Variants in MALRD1 observed in about 807,000 individuals in gnomAD.
The protein encoded by MALRD1 is MAM and LDL-receptor class A domain-containing protein 1.
In MALRD1, 247 loss-of-function variants were observed where a neutral mutation model predicts 242.1. The observed-to-expected ratio is 1.02, with a 90% confidence interval of 0.92 to 1.13. The LOEUF is 1.13. Ranked by LOEUF, MALRD1 falls within the 50% of genes most tolerant of loss-of-function variation. The pLI is 0.00. For synonymous variants in MALRD1, 995 were observed against 866.6 expected (o/e 1.15, Z -2.60); for missense variants, 2,989 against 2,533.1 (o/e 1.18, Z -3.86).
chr10:19,347,750 A>T lies in MALRD1; in HGVS notation c.3902-21A>T, dbSNP rs961348383. The T allele has an allele frequency of 3.9e-6, 6 of 1,548,604 alleles. No homozygotes were observed. In the African/African-American group the frequency reaches 8.2e-5, roughly 21 times the overall value. On this transcript the variant is annotated intron_variant, in intron 24 of 39. Coordinates refer to ENST00000454679, the MANE Select transcript of MALRD1 (RefSeq NM_001142308.3). Reference sequence around the variant, plus strand: ...GGCAAATTTCCATTTTCTGTAACATATATTTGGAAATATTTTCCAGGTACC... The same window carrying T: ...GGCAAATTTCCATTTTCTGTAACATTTATTTGGAAATATTTTCCAGGTACC...
intron 26 of MALRD1, among the ~76,000 whole-genome samples, chr10:19,385,411 A>T (rs758359383): frequency 3.9e-5 from 6 of 151,918 alleles, no homozygotes; most frequent in Non-Finnish European, 5.9e-5. Flanking sequence ...TACCACTTCA[A>T]TCTCATTACT....
chr10:19,125,049 G>T (rs1008827041), intron 7 of MALRD1, among the ~76,000 whole-genome samples: 1 of 139,876 alleles, frequency 7.1e-6, no homozygotes, highest in Non-Finnish European at 1.5e-5. Context: ...GGGTTCAAGT[G>T]ATTCTCCTGT....
At chr10:19,512,178 G>A (rs779790028) in intron 31 of MALRD1, among the ~76,000 whole-genome samples, 1 of 152,128 alleles carries the variant, frequency 6.6e-6, no homozygotes, top group Non-Finnish European at 1.5e-5. Context: ...CATGAAAAAT[G>A]TGGTTATCAT....
chr10:19,278,208 T>C (rs1840629781), intron 19 of MALRD1, among the ~76,000 whole-genome samples: 1 of 152,168 alleles, frequency 6.6e-6, no homozygotes, highest in Non-Finnish European at 1.5e-5. Context: ...AAAAAACAGT[T>C]TAATGTATTT....
At chr10:19,581,668 C>T (rs1350065783) in intron 33 of MALRD1, among the ~76,000 whole-genome samples, 10 of 148,870 alleles carry the variant, frequency 6.7e-5, no homozygotes, top group African/African-American at 2.2e-4. Context: ...TGAATAATGC[C>T]GCAGTAAACA....
intron 18 of MALRD1, among the ~76,000 whole-genome samples, chr10:19,229,007 T>C (rs1257580080): frequency 6.6e-6 from 1 of 152,034 alleles, no homozygotes; most frequent in Non-Finnish European, 1.5e-5. Context: ...TGTGTGTAAG[T>C]GTGTGATTTG....
At chr10:19,610,387 A>G (rs1011805570) in intron 35 of MALRD1, among the ~76,000 whole-genome samples, 1 of 151,844 alleles carries the variant, frequency 6.6e-6, no homozygotes, top group East Asian at 1.9e-4. Context: ...TCCTCTCTCC[A>G]GTCACTGGTA....
intron 33 of MALRD1, among the ~76,000 whole-genome samples, chr10:19,580,113 T>C (rs949095234): frequency 2.0e-5 from 3 of 152,152 alleles, no homozygotes; most frequent in African/African-American, 4.8e-5. Context: ...GCAGGCCTTA[T>C]GGCAGGAAAA....
intron 38 of MALRD1, among the ~76,000 whole-genome samples, chr10:19,718,059 GGAA>G (rs1188475870): frequency 3.4e-4 from 45 of 131,546 alleles, no homozygotes; most frequent in African/African-American, 8.5e-4. Context: ...AAGAAGAAGA[GGAA>G]GAAGAAGAAG....
chr10:19,123,341 A>G (rs56274301), intron 5 of MALRD1, among the ~76,000 whole-genome samples, 151 bp from the exon 6 acceptor site: 10,580 of 149,050 alleles, frequency 0.071, 399 homozygotes, highest in South Asian at 0.13. Context: ...GAGAGAGAGA[A>G]AGAGATAGGG....
intron 36 of MALRD1, among the ~76,000 whole-genome samples, chr10:19,663,632 G>C (rs1259309349): frequency 6.6e-6 from 1 of 152,080 alleles, no homozygotes; most frequent in Non-Finnish European, 1.5e-5. Flanking sequence ...TCAGAAGATA[G>C]AGCAGAACCC....
intron 38 of MALRD1, among the ~76,000 whole-genome samples, chr10:19,727,374 C>A (rs1835079575): frequency 6.6e-6 from 1 of 152,022 alleles, no homozygotes; most frequent in South Asian, 2.1e-4. Flanking sequence ...ACAATGTTGT[C>A]AGTTAATAAG....
At chr10:19,137,624 A>C (rs1440375734) in intron 10 of MALRD1, among the ~76,000 whole-genome samples, 2 of 151,224 alleles carry the variant, frequency 1.3e-5, no homozygotes, top group Admixed American at 6.6e-5. Context: ...AAAAAAAAAA[A>C]AAAAAAAGAA....
At chr10:19,489,608 T>G (rs1837393442) in intron 29 of MALRD1, among the ~76,000 whole-genome samples, 1 of 152,194 alleles carries the variant, frequency 6.6e-6, no homozygotes, top group Non-Finnish European at 1.5e-5. Flanking sequence ...GTTGTTTATT[T>G]TTTGGTACAA....
chr10:19,612,560 C>T (rs2131602749), intron 35 of MALRD1, among the ~76,000 whole-genome samples: 1 of 151,850 alleles, frequency 6.6e-6, no homozygotes, highest in South Asian at 2.1e-4. Flanking sequence ...GCAATGACTG[C>T]CTTTATTAGC....
At chr10:19,541,780 G>C (rs1316151582) in intron 32 of MALRD1, among the ~76,000 whole-genome samples, 1 of 152,130 alleles carries the variant, frequency 6.6e-6, no homozygotes, top group Non-Finnish European at 1.5e-5. Context: ...AGCAAAGATG[G>C]GTGAATAGGT....
chr10:19,405,761 A>G (rs1847069945), intron 28 of MALRD1, among the ~76,000 whole-genome samples: 1 of 152,190 alleles, frequency 6.6e-6, no homozygotes, highest in Non-Finnish European at 1.5e-5. Context: ...AATCTTTTAA[A>G]GGAGCCACAT....
chr10:19,355,502 C>T (rs1328401714), intron 26 of MALRD1, among the ~76,000 whole-genome samples: 2 of 146,414 alleles, frequency 1.4e-5, no homozygotes, highest in African/African-American at 5.1e-5. Context: ...AGTAGAAAGA[C>T]TCCAAGAAAA....
At position 19,692,507 on chromosome 10, in the gene MALRD1, C is replaced by A; in HGVS notation, c.6267C>A (p.Ile2089=). 2.0e-6 allele frequency: 3 copies of A among 1,535,906 alleles called. No homozygotes were observed. Among genetic ancestry groups the A allele is most frequent in the Non-Finnish European group, 2.6e-6 (3 of 1,146,600 alleles). Residue 2089 remains isoleucine, a synonymous_variant, in exon 38 of 40, where the codon ATC becomes ATA. Transcript: ENST00000454679. ...GIGLAFLMTH[I]TVAVLCFLAN... Reference sequence around the variant, plus strand: ...GATTAGCATTCCTGATGACTCACATCACAGTTGCAGTCTTGTGTTTTCTTG... The same window carrying A: ...GATTAGCATTCCTGATGACTCACATAACAGTTGCAGTCTTGTGTTTTCTTG...
Sources: gnomAD v4.1 joint callset for allele counts (sites outside exome capture counted in the v4.1 genomes callset) on GRCh38, gnomAD v4.1.1 for gene constraint, MANE v1.5 for transcripts, NCBI Gene and HGNC (gene_info 2026-07-23, HGNC 2026-07-21) for gene names.